ADK: variants seen among roughly 807,000 people sequenced by gnomAD.
The protein encoded by ADK is adenosine kinase, also known as N6,N6-dimethyladenosine kinase.
A neutral mutation model predicts 44.7 loss-of-function variants in ADK; 24 were observed. That is an observed-to-expected ratio of 0.54 (90% confidence interval 0.39 to 0.76). The LOEUF (loss-of-function observed/expected upper bound fraction) is 0.76, where lower values mean the gene tolerates loss of function less well. Among genes scored for constraint, ADK ranks in the 30% least tolerant of loss-of-function variants. The pLI is 0.00. For synonymous variants in ADK, 128 were observed against 142.6 expected (o/e 0.90, Z 0.73); for missense variants, 321 against 425.1 (o/e 0.76, Z 2.15).
chr10:74,154,069 T>C (rs1330259858), intron 1 of ADK, among the ~76,000 whole-genome samples: 1 of 152,140 alleles, frequency 6.6e-6, no homozygotes, highest in Non-Finnish European at 1.5e-5. Context: ...CATCTGTGAC[T>C]GTAGGGTATC....
intron 4 of ADK, among the ~76,000 whole-genome samples, chr10:74,391,977 TA>T (rs1271812345): frequency 3.9e-5 from 6 of 152,316 alleles, no homozygotes; most frequent in Non-Finnish European, 8.8e-5. Flanking sequence ...ACAGACCTTA[TA>T]TAACTTAGCA....
At chr10:74,558,260 C>T (rs191819168) in intron 7 of ADK, among the ~76,000 whole-genome samples, 80 of 152,258 alleles carry the variant, frequency 5.3e-4, no homozygotes, top group Middle Eastern at 3.4e-3. Flanking sequence ...TGCAGTGGCA[C>T]GTTCATAGCT....
chr10:74,192,208 A>AT lies in ADK; in HGVS notation c.66-8547dup, dbSNP rs535757879. ...TTTATTATGTTTCCAGATTTTTACC[A>AT]TTTTTTTTTCTTTTTCTTTCTTTTA... On this transcript the variant is annotated intron_variant, in intron 1 of 10. Transcript: ENST00000539909. Among the ~76,000 whole-genome samples, 1,372 of 147,906 alleles carry AT rather than the reference A, an allele frequency of 9.3e-3. 10 individuals carry two copies. Among genetic ancestry groups the AT allele is most frequent in the Non-Finnish European group, 0.016 (1,068 of 66,714 alleles).
chr10:74,197,572 C>T (rs993668401), intron 1 of ADK, among the ~76,000 whole-genome samples: 1 of 151,972 alleles, frequency 6.6e-6, no homozygotes, highest in Non-Finnish European at 1.5e-5. Context: ...TGGTGGTGGG[C>T]ACCTGTAATC....
At position 74,455,906 on chromosome 10, in the gene ADK, A is replaced by T. The variant is rs144554396; in HGVS notation, c.555+57327A>T. Among the ~76,000 whole-genome samples, 1,244 of 152,192 alleles carry T rather than the reference A, an allele frequency of 8.2e-3. 21 individuals are homozygous for T. Among genetic ancestry groups the T allele is most frequent in the African/African-American group, 0.028 (1,153 of 41,528 alleles). ...TGGGCTTCACTTTGTGGGTAACCCA[A>T]CCTTTCTCTTTGGCTGCGCTTAACA... On this transcript the variant is annotated intron_variant, in intron 6 of 10. Transcript: ENST00000539909.
At chr10:74,444,206 T>C (rs551025176) in intron 6 of ADK, among the ~76,000 whole-genome samples, 1 of 152,226 alleles carries the variant, frequency 6.6e-6, no homozygotes, top group East Asian at 1.9e-4. Flanking sequence ...GAAATTAATA[T>C]CCTGTGCAAA....
intron 7 of ADK, among the ~76,000 whole-genome samples, chr10:74,532,445 G>A (rs931545986): frequency 6.4e-5 from 9 of 141,210 alleles, no homozygotes; most frequent in Admixed American, 1.5e-4. Context: ...GCCACCACAC[G>A]CCAGCCTGGG....
At chr10:74,486,048 C>T (rs1847255761) in intron 6 of ADK, among the ~76,000 whole-genome samples, 1 of 152,096 alleles carries the variant, frequency 6.6e-6, no homozygotes, top group Admixed American at 6.6e-5. Flanking sequence ...CCCATATCCC[C>T]AAATCTCATC....
chr10:74,551,096 T>C (rs1850020764), intron 7 of ADK, among the ~76,000 whole-genome samples: 1 of 152,164 alleles, frequency 6.6e-6, no homozygotes, highest in Non-Finnish European at 1.5e-5. Flanking sequence ...GACTCAAGGA[T>C]GTACTAATAG....
chr10:74,425,720 G>A (rs1411724726), intron 6 of ADK, among the ~76,000 whole-genome samples: 2 of 152,158 alleles, frequency 1.3e-5, no homozygotes, highest in African/African-American at 4.8e-5. Context: ...CCCTCAGAAT[G>A]AAAGAATCTG....
At chr10:74,391,097 A>G (rs1843313126) in intron 4 of ADK, among the ~76,000 whole-genome samples, 1 of 152,208 alleles carries the variant, frequency 6.6e-6, no homozygotes, top group African/African-American at 2.4e-5. Flanking sequence ...ATAACCAACA[A>G]TAAACCTACT....
At chr10:74,219,521 AAT>A (rs1350492110) in intron 2 of ADK, among the ~76,000 whole-genome samples, 1 of 152,224 alleles carries the variant, frequency 6.6e-6, no homozygotes, top group East Asian at 1.9e-4. Flanking sequence ...AAGCAGACCT[AAT>A]AGACATCTAC....
chr10:74,506,154 A>G (rs934486981), intron 6 of ADK: 4 of 154,678 alleles, frequency 2.6e-5, no homozygotes, highest in African/African-American at 9.6e-5. Context: ...CTGTACTCAC[A>G]TTGTATTTTA....
chr10:74,707,139 A>G (rs969472516), intron 10 of ADK, among the ~76,000 whole-genome samples: 1 of 152,154 alleles, frequency 6.6e-6, no homozygotes, highest in African/African-American at 2.4e-5. Context: ...AGGCTTAAGC[A>G]ATCCTCTCAC....
intron 4 of ADK, among the ~76,000 whole-genome samples, chr10:74,387,617 T>C (rs1401944423): frequency 6.6e-6 from 1 of 152,200 alleles, no homozygotes; most frequent in African/African-American, 2.4e-5. Context: ...CTACCTGTCT[T>C]TGGAGGCCTT....
At chr10:74,347,169 C>T (rs918642921) in intron 4 of ADK, among the ~76,000 whole-genome samples, 1 of 144,276 alleles carries the variant, frequency 6.9e-6, no homozygotes, top group Non-Finnish European at 1.5e-5. Context: ...GAGCTCCAGT[C>T]TGCAGCTCCC....
chr10:74,596,948 A>G lies in ADK; in HGVS notation c.763-3431A>G, dbSNP rs185034066. On this transcript the variant is annotated intron_variant, in intron 8 of 10. Transcript: ENST00000539909. ...TGACTAGAGAAGTTAAGATTTAATGAGCACTTTAGAGCTATGTACATGGCT... is the reference window on the plus strand; with the variant it reads ...TGACTAGAGAAGTTAAGATTTAATGGGCACTTTAGAGCTATGTACATGGCT... Among the ~76,000 whole-genome samples the G allele has an allele frequency of 1.1e-3, 169 of 152,314 alleles. 1 individual carries two copies. Among genetic ancestry groups the G allele is most frequent in the African/African-American group, 3.8e-3 (160 of 41,578 alleles).
chr10:74,509,499 T>C (rs1321672813), intron 6 of ADK: 1 of 152,254 alleles, frequency 6.6e-6, no homozygotes, highest in Non-Finnish European at 1.5e-5. Context: ...CCCATAATGA[T>C]GTTTTGATAC....
chr10:74,332,810 A>G (rs1007385738), intron 4 of ADK, among the ~76,000 whole-genome samples: 4 of 152,216 alleles, frequency 2.6e-5, no homozygotes, highest in African/African-American at 9.6e-5. Context: ...AATCTCTGAA[A>G]TAACATAAGG....
Sources: gnomAD v4.1 joint callset for allele counts (sites outside exome capture counted in the v4.1 genomes callset) on GRCh38, gnomAD v4.1.1 for gene constraint, MANE v1.5 for transcripts, NCBI Gene and HGNC (gene_info 2026-07-23, HGNC 2026-07-21) for gene names.